ZKSCAN4: variants seen among roughly 807,000 people sequenced by gnomAD.
The protein encoded by ZKSCAN4 is zinc finger with KRAB and SCAN domains 4.
A neutral mutation model predicts 30.8 loss-of-function variants in ZKSCAN4; 23 were observed. The ratio of observed to expected loss-of-function variants is 0.75; its 90% CI spans 0.54 to 1.06. The LOEUF is 1.06. Ranked by LOEUF, ZKSCAN4 falls within the 50% of genes least tolerant of loss-of-function variation. The pLI, the probability that ZKSCAN4 is intolerant of heterozygous loss-of-function variation, is 0.00. For missense variants in ZKSCAN4, 556 were observed against 665.4 expected (o/e 0.84, Z 1.81); for synonymous variants, 208 against 252.5 (o/e 0.82, Z 1.67).
chr6:28,245,613 A>G lies in ZKSCAN4; in HGVS notation c.1141T>C (p.Cys381Arg). Residue 381 changes from cysteine to arginine, a missense_variant, in exon 5 of 5, where the codon TGT (cysteine) becomes CGT (arginine). Cys to Arg is a radical substitution (Grantham distance 180, BLOSUM62 -3). This residue lies in a region of ZKSCAN4 where 433 missense variants were observed against 511.5 expected (regional missense o/e 0.85). Coordinates refer to ENST00000377294, the MANE Select transcript of ZKSCAN4 (RefSeq NM_019110.5). ...TGEKPYECEE[C>R]GKVFSHSSNL... The stretch of plus-strand genomic sequence containing the variant: ...GAGCTGTGACTGAAGACCTTACCAC[A>G]TTCTTCACACTCATATGGCTTCTCA... 1 of 1,614,162 alleles carries G rather than the reference A, an allele frequency of 6.2e-7. No individual in the cohort carries two copies. The highest frequency in any genetic ancestry group is 8.5e-7 in the Non-Finnish European group (1 of 1,180,030).
the ZKSCAN4 span, among the ~76,000 whole-genome samples, chr6:28,258,499 C>T: frequency 6.6e-6 from 1 of 151,756 alleles, no homozygotes; most frequent in Admixed American, 6.6e-5. Flanking sequence ...GACTCTGGGC[C>T]GGGCATGGTG....
upstream of ZKSCAN4, among the ~76,000 whole-genome samples, chr6:28,253,444 C>T (rs778378454): frequency 6.6e-6 from 1 of 152,154 alleles, no homozygotes; most frequent in Non-Finnish European, 1.5e-5. The surrounding 1 kb of genome is among the most constrained non-coding windows in gnomAD (Gnocchi z 4.2). Flanking sequence ...ATGAAAAATA[C>T]TACAAAATAT....
intron 1 of ZKSCAN4, among the ~76,000 whole-genome samples, chr6:28,250,665 T>C (rs1175060354): frequency 6.6e-6 from 1 of 152,204 alleles, no homozygotes; most frequent in Non-Finnish European, 1.5e-5. Context: ...GCCTGGCACA[T>C]AGTTATGTCC....
chr6:28,248,732 G>A (rs1401938568), intron 2 of ZKSCAN4, among the ~76,000 whole-genome samples: 1 of 151,574 alleles, frequency 6.6e-6, no homozygotes, highest in Non-Finnish European at 1.5e-5. Context: ...GGAGGCTGAG[G>A]TGGGAGGATT....
chr6:28,246,654 C>T lies in ZKSCAN4; in HGVS notation c.778+315G>A, dbSNP rs3817820. Among the ~76,000 whole-genome samples, 18 of 152,252 alleles carry T rather than the reference C, an allele frequency of 1.2e-4. No homozygotes were observed. In the South Asian group the frequency reaches 1.2e-3, roughly 11 times the overall value. ...GGCCCATTTCCTGAAGAGGCCCCCC[C>T]CTCCCCGCAGCTTTCCTCTTCAGTC... On this transcript the variant is annotated intron_variant, in intron 4 of 4. Coordinates refer to ENST00000377294, the MANE Select transcript of ZKSCAN4 (RefSeq NM_019110.5).
chr6:28,256,089 G>A (rs1761167184), upstream of ZKSCAN4, among the ~76,000 whole-genome samples: 1 of 152,154 alleles, frequency 6.6e-6, no homozygotes, highest in African/African-American at 2.4e-5. Flanking sequence ...AATGATATAT[G>A]GGTGTTTGAA....
intron 2 of ZKSCAN4, 52 bp from the exon 3 acceptor site, chr6:28,248,201 C>A (rs1419174634): frequency 2.8e-6 from 4 of 1,454,402 alleles, no homozygotes; most frequent in East Asian, 2.3e-5. Context: ...TCAGCCTCCC[C>A]ACCTTGCAAA....
Position 28,244,664 on chromosome 6 carries a change from A to T in ZKSCAN4, c.*452T>A. The T allele has an allele frequency of 5.7e-6, 1 of 175,180 alleles. No homozygotes were observed. Among genetic ancestry groups the T allele is most frequent in the Middle Eastern group, 5.1e-4 (1 of 1,954 alleles). 10.9% of individuals were successfully genotyped at this position (175,180 alleles called of 1,614,324 possible). A position where few individuals can be genotyped will look rare whatever the true frequency, so the allele number is the denominator to read the frequency against. ...GGCCATTTTACTGGTACATTTAATA[A>T]ATGTTTATTAGCACCTATCATACAA... On this transcript the variant is annotated 3_prime_UTR_variant, in exon 5 of 5. Coordinates refer to ENST00000377294, the MANE Select transcript of ZKSCAN4 (RefSeq NM_019110.5).
intron 3 of ZKSCAN4, 146 bp from the exon 4 acceptor site, chr6:28,247,238 TAATC>T (rs1317063437): frequency 2.3e-6 from 2 of 852,410 alleles, no homozygotes; most frequent in African/African-American, 1.7e-5. Flanking sequence ...AATAACATCT[TAATC>T]AAGAAAACCT....
intron 2 of ZKSCAN4, among the ~76,000 whole-genome samples, chr6:28,248,840 A>G (rs1000768753): frequency 1.6e-5 from 2 of 126,076 alleles, no homozygotes; most frequent in East Asian, 3.7e-4. Flanking sequence ...AAAAAAAAAA[A>G]AAAAGAAAAA....
At chr6:28,247,732 C>T (rs149752005) in intron 3 of ZKSCAN4, among the ~76,000 whole-genome samples, 78 of 152,290 alleles carry the variant, frequency 5.1e-4, no homozygotes, top group Non-Finnish European at 9.1e-4. Context: ...ACAGAATGAC[C>T]ATCCCAACAA....
intron 4 of ZKSCAN4, among the ~76,000 whole-genome samples, chr6:28,246,654 C>CG (rs1214656306): frequency 6.6e-6 from 1 of 152,134 alleles, no homozygotes; most frequent in Non-Finnish European, 1.5e-5. Flanking sequence ...GAGGCCCCCC[C>CG]CTCCCCGCAG....
chr6:28,254,236 A>T (rs774170644), upstream of ZKSCAN4, among the ~76,000 whole-genome samples: 2 of 152,256 alleles, frequency 1.3e-5, no homozygotes, highest in Non-Finnish European at 2.9e-5. Flanking sequence ...GCTACCCCCT[A>T]GGCAGTGTGC....
chr6:28,249,936 T>A lies in ZKSCAN4; in HGVS notation c.424-102A>T. Reference sequence around the variant, plus strand: ...ACTGTTTCTACAAGCCTTATGATATTAACACAATTAATATAGATAACAACC... The same window carrying A: ...ACTGTTTCTACAAGCCTTATGATATAAACACAATTAATATAGATAACAACC... On this transcript the variant is annotated intron_variant, in intron 1 of 4. Coordinates refer to ENST00000377294, the MANE Select transcript of ZKSCAN4 (RefSeq NM_019110.5). This position sits in a 1 kb window ranked among gnomAD's most constrained non-coding sequence, Gnocchi z 4.1. 2 of 1,310,026 alleles carry A rather than the reference T, an allele frequency of 1.5e-6. No individual in the cohort carries two copies. The highest frequency in any genetic ancestry group is 2.1e-6 in the Non-Finnish European group (2 of 934,910). 81.2% of individuals were successfully genotyped at this position (1,310,026 alleles called of 1,614,324 possible).
At chr6:28,246,672 C>T (rs997726451) in intron 4 of ZKSCAN4, among the ~76,000 whole-genome samples, 1 of 152,076 alleles carries the variant, frequency 6.6e-6, no homozygotes, top group Non-Finnish European at 1.5e-5. Flanking sequence ...CAGCTTTCCT[C>T]TTCAGTCAGG....
chr6:28,257,212 A>G (rs1761206199), upstream of ZKSCAN4, among the ~76,000 whole-genome samples: 1 of 152,248 alleles, frequency 6.6e-6, no homozygotes, highest in Non-Finnish European at 1.5e-5. Context: ...CTATACAGCC[A>G]TAAGAAAGGA....
At chr6:28,256,095 T>C (rs1175744692), upstream of ZKSCAN4, among the ~76,000 whole-genome samples, 1 of 152,186 alleles carries the variant, frequency 6.6e-6, no homozygotes, top group African/African-American at 2.4e-5. Context: ...ATATGGGTGT[T>C]TGAACTTTTC....
chr6:28,248,262 G>T, intron 2 of ZKSCAN4, 113 bp from the exon 3 acceptor site: 1 of 703,356 alleles, frequency 1.4e-6, no homozygotes, highest in Non-Finnish European at 2.4e-6. Flanking sequence ...AGTTTATACA[G>T]AATGTGTTCC....
chr6:28,252,880 T>A (rs1365939526), upstream of ZKSCAN4, among the ~76,000 whole-genome samples: 1 of 152,096 alleles, frequency 6.6e-6, no homozygotes, highest in Non-Finnish European at 1.5e-5. Context: ...AACTCTCTAG[T>A]CTCTGGCTTC....
Sources: allele counts gnomAD v4.1 joint callset (sites outside exome capture counted in the v4.1 genomes callset), GRCh38; gene constraint gnomAD v4.1.1; regional missense constraint gnomAD v4.1.1; non-coding constraint Gnocchi (gnomAD v3.1); transcripts MANE v1.5; gene names NCBI Gene and HGNC (gene_info 2026-07-23, HGNC 2026-07-21).